FXYD7: variants seen among roughly 807,000 people sequenced by gnomAD.
FXYD7 encodes FXYD domain containing ion transport regulator 7.
FXYD7 carries 7 observed loss-of-function variants against 15.3 expected under a neutral mutation model. That is an observed-to-expected ratio of 0.46 (90% CI 0.26 to 0.86). The LOEUF is 0.86. FXYD7 is among the 40% of genes least tolerant of loss of function. The probability of loss-of-function intolerance (pLI) is 0.16; values close to 1 mark genes in which losing one functional copy is unlikely to be tolerated. For missense variants in FXYD7, 78 were observed against 100.6 expected (o/e 0.78, Z 0.96); for synonymous variants, 39 against 39.3 (o/e 0.99, Z 0.03).
intron 1 of FXYD7, among the ~76,000 whole-genome samples, chr19:35,144,281 A>T (rs1457149375): frequency 6.6e-6 from 1 of 152,136 alleles, no homozygotes; most frequent in Admixed American, 6.5e-5. Context: ...TTCCAATCCC[A>T]GAGGTGCTGT....
chr19:35,151,372 C>T, intron 3 of FXYD7, 44 bp downstream of exon 3: 1 of 1,599,478 alleles, frequency 6.3e-7, no homozygotes, highest in East Asian at 2.2e-5. Context: ...TCCGCTTCCT[C>T]TGCTGGCTTT....
chr19:35,151,210 C>T lies in FXYD7; in HGVS notation c.62-44C>T, dbSNP rs747275829. 8.5e-6 allele frequency: 11 copies of T among 1,287,014 alleles called. No homozygotes were observed. The East Asian group carries it at 2.3e-4, about 27-fold the overall frequency. 79.7% of individuals were successfully genotyped at this position (1,287,014 alleles called of 1,614,324 possible). A position where few individuals can be genotyped will look rare whatever the true frequency, so the allele number is the denominator to read the frequency against. ...GCCAGGACTGGGCTCCAGGTGCAGCCAAGGTGCTGTCCCTGCCTCGATGTC... is the reference window on the plus strand; with the variant it reads ...GCCAGGACTGGGCTCCAGGTGCAGCTAAGGTGCTGTCCCTGCCTCGATGTC... On this transcript the variant is annotated intron_variant, in intron 2 of 5. Transcript: ENST00000270310.
At chr19:35,149,235 C>T in intron 2 of FXYD7, 1 of 353,798 alleles carries the variant, frequency 2.8e-6, no homozygotes, top group South Asian at 2.1e-5. Context: ...GATCGGGCTC[C>T]AGTTTCCCCT....
chr19:35,152,745 A>G (rs1045708775), intron 5 of FXYD7, among the ~76,000 whole-genome samples: 1 of 151,656 alleles, frequency 6.6e-6, no homozygotes, highest in African/African-American at 2.4e-5. Context: ...GAATGGGTGT[A>G]AGCATGGAAA....
At chr19:35,144,997 G>C (rs949859698) in intron 1 of FXYD7, among the ~76,000 whole-genome samples, 3 of 152,174 alleles carry the variant, frequency 2.0e-5, no homozygotes, top group Admixed American at 2.0e-4. Flanking sequence ...GGGAGAGTTA[G>C]GAGTGAACAG....
In FXYD7 at chr19:35,154,025, A is replaced by G; in HGVS notation, c.*109A>G. 1 of 1,014,948 alleles carries G rather than the reference A, an allele frequency of 9.9e-7. No homozygotes were observed. The highest frequency in any genetic ancestry group is 1.5e-6 in the Non-Finnish European group (1 of 665,624). 62.9% of individuals were successfully genotyped at this position (1,014,948 alleles called of 1,614,324 possible). ...CGCGCCGGGAGCGCTCCCCGGAATG[A>G]GCCGCCCCACCCACCCCAAGGCTGG... On this transcript the variant is annotated 3_prime_UTR_variant, in exon 6 of 6. Coordinates refer to ENST00000270310, the MANE Select transcript of FXYD7 (RefSeq NM_022006.2).
chr19:35,148,093 AAGAGAG>A (rs770163373), intron 1 of FXYD7, among the ~76,000 whole-genome samples: 1 of 125,012 alleles, frequency 8.0e-6, no homozygotes, highest in Non-Finnish European at 1.8e-5. Context: ...GAAAGAAAGA[AAGAGAG>A]AGAGAAAGAA....
chr19:35,153,937 G>C lies in FXYD7; in HGVS notation c.*21G>C. The stretch of plus-strand genomic sequence containing the variant: ...TGTAACACCTTCCCGAGGAAACTCC[G>C]CTGCCGACCCTGCCTGAGCGCGGGA... On this transcript the variant is annotated 3_prime_UTR_variant, in exon 6 of 6. Transcript: ENST00000270310. The C allele has an allele frequency of 6.2e-7, 1 of 1,610,224 alleles. No homozygotes were observed. Among genetic ancestry groups the C allele is most frequent in the Non-Finnish European group, 8.5e-7 (1 of 1,177,928 alleles).
Position 35,143,475 on chromosome 19 carries a change from A to T in FXYD7, c.31+111A>T, listed in dbSNP as rs1354065059. 2 of 846,322 alleles carry T rather than the reference A, an allele frequency of 2.4e-6. No individual in the cohort carries two copies. Among genetic ancestry groups the T allele is most frequent in the African/African-American group, 1.8e-5 (1 of 55,250 alleles). The allele number at this position is 846,322 out of a possible 1,614,324, so 52.4% of individuals were successfully genotyped here. On this transcript the variant is annotated intron_variant, in intron 1 of 5. Coordinates refer to ENST00000270310, the MANE Select transcript of FXYD7 (RefSeq NM_022006.2). The surrounding 1 kb of genome is among the most constrained non-coding windows in gnomAD (Gnocchi z 4.3). ...GTAAGGCAAGGGAGTTGGGGGAGGG[A>T]GGTCCGCTCCTCCTGTGGGCGGAAG...
chr19:35,148,401 A>C (rs985826503), intron 1 of FXYD7, among the ~76,000 whole-genome samples: 8 of 152,376 alleles, frequency 5.3e-5, no homozygotes, highest in Admixed American at 4.6e-4. Flanking sequence ...AGCTTGCATC[A>C]GACCTCCATA....
At chr19:35,149,100 G>C (rs1297492032) in intron 2 of FXYD7, 1 of 471,780 alleles carries the variant, frequency 2.1e-6, no homozygotes, top group East Asian at 6.3e-5. Context: ...GCCTCTCTGG[G>C]CCCTTCTGTA....
intron 5 of FXYD7, among the ~76,000 whole-genome samples, chr19:35,153,033 C>CTTTGTTTTTTTTT (rs1555737607): frequency 0.02 from 890 of 44,138 alleles, 143 homozygotes; most frequent in East Asian, 0.037. Flanking sequence ...TTTCACGTTC[C>CTTTGTTTTTTTTT]TTTTTTTTTT....
intron 2 of FXYD7, 132 bp from the exon 3 acceptor site, chr19:35,151,119 AAGG>A: frequency 1.4e-6 from 1 of 733,230 alleles, no homozygotes; most frequent in South Asian, 1.5e-5. Flanking sequence ...CAACCCCCTG[AAGG>A]AGTGTCCAGC....
Position 35,145,660 on chromosome 19 carries a change from C to G in FXYD7, c.31+2296C>G, listed in dbSNP as rs373791999. Among the ~76,000 whole-genome samples the G allele has an allele frequency of 1.9e-4, 29 of 152,332 alleles. No homozygotes were observed. The South Asian group carries it at 4.3e-3, about 23-fold the overall frequency. On this transcript the variant is annotated intron_variant, in intron 1 of 5. Coordinates refer to ENST00000270310, the MANE Select transcript of FXYD7 (RefSeq NM_022006.2). Reference sequence around the variant, plus strand: ...GGAAACTTACACAGAGCACAAGGGACCCTGAAGCAGCGTCTCACCATCTTG... The same window carrying G: ...GGAAACTTACACAGAGCACAAGGGAGCCTGAAGCAGCGTCTCACCATCTTG...
At chr19:35,150,989 G>A (rs2065307535) in intron 2 of FXYD7, among the ~76,000 whole-genome samples, 1 of 152,020 alleles carries the variant, frequency 6.6e-6, no homozygotes, top group African/African-American at 2.4e-5. Context: ...GGTAGAGGGA[G>A]AGTATTATAT....
chr19:35,148,053 AAG>A (rs2065295795), intron 1 of FXYD7, among the ~76,000 whole-genome samples: 1 of 140,160 alleles, frequency 7.1e-6, no homozygotes, highest in African/African-American at 2.9e-5. Flanking sequence ...GAAAGAAAGA[AAG>A]AAAGAAAGAA....
At position 35,151,303 on chromosome 19, in the gene FXYD7, C is replaced by G. The variant is rs762505054; in HGVS notation, c.111C>G (p.Phe37Leu). ...TVGMTLATILFLLGILIVISK... is the reference protein window; with the variant it reads ...TVGMTLATILLLLGILIVISK... ...GCATGACTCTGGCAACCATCTTGTT[C>G]CTGCTGGGTATCCTCATCGTCATCA... Residue 37 changes from phenylalanine (F) to leucine (L), a missense_variant, in exon 3 of 6, where the codon TTC (phenylalanine) becomes TTG (leucine). Transcript: ENST00000270310. The G allele has an allele frequency of 2.5e-6, 4 of 1,609,946 alleles. No homozygotes were observed. The South Asian group carries it at 4.4e-5, about 18-fold the overall frequency.
At chr19:35,147,345 A>T (rs933990732) in intron 1 of FXYD7, among the ~76,000 whole-genome samples, 1 of 152,128 alleles carries the variant, frequency 6.6e-6, no homozygotes, top group African/African-American at 2.4e-5. Flanking sequence ...CCCTCTCCCC[A>T]TGTGGCAGAC....
intron 1 of FXYD7, among the ~76,000 whole-genome samples, chr19:35,147,718 G>C (rs2065293289): frequency 6.6e-6 from 1 of 152,108 alleles, no homozygotes; most frequent in Non-Finnish European, 1.5e-5. Flanking sequence ...AATGGGCCAG[G>C]CATGGTGGCT....
Sources: gnomAD v4.1 joint callset for allele counts (sites outside exome capture counted in the v4.1 genomes callset) on GRCh38, gnomAD v4.1.1 for gene constraint, Gnocchi (gnomAD v3.1) non-coding constraint, MANE v1.5 for transcripts, NCBI Gene and HGNC (gene_info 2026-07-23, HGNC 2026-07-21) for gene names.